Variants in ARHGAP26 observed in about 807,000 individuals in gnomAD.
ARHGAP26 encodes the protein Rho GTPase activating protein 26, also known as rho GTPase-activating protein 26.
ARHGAP26 carries 38 observed loss-of-function variants against 104.8 expected under a neutral mutation model. That is an observed-to-expected ratio of 0.36 (90% CI 0.28 to 0.48). The LOEUF (loss-of-function observed/expected upper bound fraction) is 0.48, where lower values mean the gene tolerates loss of function less well. Ranked by LOEUF, ARHGAP26 falls within the 20% of genes least tolerant of loss-of-function variation. ARHGAP26 has a pLI of 0.99. For synonymous variants in ARHGAP26, 341 were observed against 340.0 expected (o/e 1.00, Z -0.03); for missense variants, 704 against 947.9 (o/e 0.74, Z 3.38).
chr5:143,183,302 A>G (rs1025708090), intron 20 of ARHGAP26, among the ~76,000 whole-genome samples: 2 of 152,178 alleles, frequency 1.3e-5, no homozygotes, highest in African/African-American at 4.8e-5. Flanking sequence ...ATTCATATAC[A>G]TGGTCTCCTC....
At position 143,147,368 on chromosome 5, in the gene ARHGAP26, C is replaced by A; in HGVS notation, c.1975C>A (p.Arg659=). 6.2e-7 allele frequency: 1 copy of A among 1,613,332 alleles called. No homozygotes were observed. Among genetic ancestry groups the A allele is most frequent in the Non-Finnish European group, 8.5e-7 (1 of 1,179,622 alleles). The part of the protein sequence containing the change: ...DPDLAVVKPT[R]PNSLPPNPSP... Reference sequence around the variant, plus strand: ...AGACCTGGCTGTGGTCAAACCCACCCGGCCCAACTCACTGTAAGTATGATG... The same window carrying A: ...AGACCTGGCTGTGGTCAAACCCACCAGGCCCAACTCACTGTAAGTATGATG... Residue 659 remains arginine (R), a synonymous_variant, in exon 20 of 23, where the codon CGG becomes AGG. Transcript: ENST00000645722.
intron 8 of ARHGAP26, among the ~76,000 whole-genome samples, chr5:142,904,526 A>G (rs1281207409): frequency 2.1e-5 from 1 of 46,512 alleles, no homozygotes; most frequent in Non-Finnish European, 3.1e-5. Context: ...CTCTTAAAAG[A>G]AAAAAAAAAA....
chr5:142,772,137 A>T (rs942774562), intron 1 of ARHGAP26, among the ~76,000 whole-genome samples: 1 of 152,226 alleles, frequency 6.6e-6, no homozygotes, highest in Non-Finnish European at 1.5e-5. Flanking sequence ...AAGGGCACTT[A>T]CAAAAGTCAG....
At chr5:142,778,594 T>C (rs930734615) in intron 1 of ARHGAP26, among the ~76,000 whole-genome samples, 2 of 152,258 alleles carry the variant, frequency 1.3e-5, no homozygotes, top group African/African-American at 4.8e-5. Flanking sequence ...GGATATGCCA[T>C]AGTTGGTATT....
rs147382025 is a variant in ARHGAP26 at position 143,197,965 on chromosome 5, A to G, written c.1989-9233A>G. 4.8e-4 allele frequency among the ~76,000 whole-genome samples: 73 copies of G among 152,346 alleles called. No homozygotes were observed. In the East Asian group the frequency reaches 0.014, roughly 29 times the overall value. The stretch of plus-strand genomic sequence containing the variant: ...ATAAAAAAGTGAATGTCTAGTCCAT[A>G]TCTGTACATCCAGTTCCCCACTCTC... On this transcript the variant is annotated intron_variant, in intron 20 of 22. Coordinates refer to ENST00000645722, the MANE Select transcript of ARHGAP26 (RefSeq NM_001135608.3).
chr5:142,996,662 G>T (rs1776442918), intron 11 of ARHGAP26, among the ~76,000 whole-genome samples: 1 of 152,120 alleles, frequency 6.6e-6, no homozygotes, highest in Non-Finnish European at 1.5e-5. Context: ...CTTGGTGGTT[G>T]TAGGAAGGAT....
chr5:142,793,252 CTTTTTTT>C (rs56941301), intron 1 of ARHGAP26, among the ~76,000 whole-genome samples: 57 of 107,142 alleles, frequency 5.3e-4, no homozygotes, highest in African/African-American at 1.4e-3. Context: ...TATCCCTTTG[CTTTTTTT>C]TTTTTTTTTT....
chr5:143,022,714 G>A (rs561559733), intron 12 of ARHGAP26, among the ~76,000 whole-genome samples: 1 of 152,316 alleles, frequency 6.6e-6, no homozygotes, highest in East Asian at 1.9e-4. Flanking sequence ...TACAAATGCT[G>A]TTCACAGCAA....
intron 1 of ARHGAP26, among the ~76,000 whole-genome samples, chr5:142,818,284 G>A (rs1765509959): frequency 1.3e-5 from 2 of 151,652 alleles, no homozygotes; most frequent in South Asian, 4.2e-4. Context: ...GCTCCACTGG[G>A]CCTTGTTCTG....
intron 20 of ARHGAP26, chr5:143,192,770 C>T (rs1806135550): frequency 6.6e-6 from 1 of 152,166 alleles, no homozygotes; most frequent in South Asian, 2.1e-4. Context: ...ATCTAACCCT[C>T]AGCACATTTG....
At chr5:143,048,740 C>A (rs1784568786) in intron 14 of ARHGAP26, among the ~76,000 whole-genome samples, 2 of 151,134 alleles carry the variant, frequency 1.3e-5, no homozygotes, top group Admixed American at 1.3e-4. Context: ...ATGGTGAAAC[C>A]CCATCTCTAC....
intron 10 of ARHGAP26, among the ~76,000 whole-genome samples, chr5:142,914,374 C>T (rs1243609351): frequency 6.6e-6 from 1 of 152,240 alleles, no homozygotes; most frequent in East Asian, 1.9e-4. Flanking sequence ...AGCCAGACAA[C>T]CTGGGTTCAA....
chr5:143,107,345 TC>T (rs1794168113), intron 17 of ARHGAP26, among the ~76,000 whole-genome samples: 1 of 152,204 alleles, frequency 6.6e-6, no homozygotes, highest in Non-Finnish European at 1.5e-5. Context: ...AGTGGTTTCA[TC>T]TCTGTAGATT....
At chr5:143,166,231 G>A in intron 20 of ARHGAP26, 1 of 488,544 alleles carries the variant, frequency 2.0e-6, no homozygotes, top group Non-Finnish European at 3.0e-6. Context: ...TGAGTAGCCG[G>A]AAGAGCCCAC....
chr5:143,019,501 AT>A (rs1365997392), intron 12 of ARHGAP26, among the ~76,000 whole-genome samples: 1 of 152,104 alleles, frequency 6.6e-6, no homozygotes, highest in Non-Finnish European at 1.5e-5. Flanking sequence ...GAGTTATAAA[AT>A]TTACTCCCCA....
At chr5:143,017,985 T>C (rs1037835389) in intron 12 of ARHGAP26, among the ~76,000 whole-genome samples, 1 of 152,220 alleles carries the variant, frequency 6.6e-6, no homozygotes, top group Non-Finnish European at 1.5e-5. Context: ...TGCAAATTTC[T>C]CCATTCCTGC....
chr5:143,066,424 T>A (rs1787497021), intron 17 of ARHGAP26, among the ~76,000 whole-genome samples: 1 of 152,350 alleles, frequency 6.6e-6, no homozygotes, highest in East Asian at 1.9e-4. Flanking sequence ...ACAGTAATAG[T>A]GCCCACCCTT....
At chr5:143,115,032 G>A (rs1247089511) in intron 17 of ARHGAP26, among the ~76,000 whole-genome samples, 2 of 152,104 alleles carry the variant, frequency 1.3e-5, no homozygotes, top group African/African-American at 4.8e-5. Context: ...ATAGGGAAGT[G>A]ATAGAAAATA....
intron 1 of ARHGAP26, among the ~76,000 whole-genome samples, chr5:142,844,316 G>T (rs1771463152): frequency 6.6e-6 from 1 of 151,932 alleles, no homozygotes; most frequent in Admixed American, 6.5e-5. Context: ...CTCCCAGAGT[G>T]CTGGGATTAC....
Sources: allele counts gnomAD v4.1 joint callset (sites outside exome capture counted in the v4.1 genomes callset), GRCh38; gene constraint gnomAD v4.1.1; transcripts MANE v1.5; gene names NCBI Gene and HGNC (gene_info 2026-07-23, HGNC 2026-07-21).